SYT9: variants seen among roughly 807,000 people sequenced by gnomAD.
SYT9 encodes synaptotagmin-9.
Under a neutral mutation model 48.4 loss-of-function variants are expected in SYT9, and 22 were observed. The ratio of observed to expected loss-of-function variants is 0.45; its 90% confidence interval spans 0.32 to 0.65. The LOEUF (loss-of-function observed/expected upper bound fraction) is 0.65, where lower values mean the gene tolerates loss of function less well. SYT9 is among the 30% of genes least tolerant of loss of function. The probability of loss-of-function intolerance (pLI) is 0.03; values close to 1 mark genes in which losing one functional copy is unlikely to be tolerated. For synonymous variants in SYT9, 265 were observed against 245.0 expected (o/e 1.08, Z -0.76); for missense variants, 577 against 622.0 (o/e 0.93, Z 0.77).
At chr11:7,453,314 C>G (rs56236212) in intron 6 of SYT9, among the ~76,000 whole-genome samples, 3 of 152,008 alleles carry the variant, frequency 2.0e-5, no homozygotes, top group Non-Finnish European at 4.4e-5. Context: ...GAAGATACTC[C>G]AAAGTGTTTC....
At chr11:7,415,478 G>A (rs749309640) in intron 3 of SYT9, among the ~76,000 whole-genome samples, 15 of 152,190 alleles carry the variant, frequency 9.9e-5, no homozygotes, top group African/African-American at 1.9e-4. Flanking sequence ...GGATATGGTC[G>A]CAAGTTTGAG....
At chr11:7,259,763 A>G (rs1335748075) in intron 1 of SYT9, among the ~76,000 whole-genome samples, 1 of 151,990 alleles carries the variant, frequency 6.6e-6, no homozygotes, top group Admixed American at 6.6e-5. Context: ...ACCAATTTCC[A>G]TTAATTAGAA....
chr11:7,380,641 TA>T (rs1850544019), intron 3 of SYT9, among the ~76,000 whole-genome samples: 1 of 151,450 alleles, frequency 6.6e-6, no homozygotes, highest in Admixed American at 6.6e-5. Context: ...AAACAGAAAA[TA>T]AAAAAATAAA....
chr11:7,417,379 C>G (rs1847272279), intron 4 of SYT9, among the ~76,000 whole-genome samples: 1 of 152,178 alleles, frequency 6.6e-6, no homozygotes. Flanking sequence ...TACCCCATCA[C>G]AGTGTTGCAC....
At chr11:7,274,882 T>A (rs567048922) in intron 1 of SYT9, among the ~76,000 whole-genome samples, 2 of 152,168 alleles carry the variant, frequency 1.3e-5, no homozygotes, top group East Asian at 3.9e-4. Flanking sequence ...CTCTTCCTCA[T>A]GGCCACGTTC....
At chr11:7,290,100 G>T (rs1181698664) in intron 1 of SYT9, among the ~76,000 whole-genome samples, 2 of 152,138 alleles carry the variant, frequency 1.3e-5, no homozygotes, top group Non-Finnish European at 2.9e-5. Flanking sequence ...TTTTACATTG[G>T]AACAAAGTCT....
chr11:7,459,442 A>G (rs954581936), intron 6 of SYT9, among the ~76,000 whole-genome samples: 3 of 152,226 alleles, frequency 2.0e-5, no homozygotes, highest in Admixed American at 6.5e-5. Flanking sequence ...TTGAAGTAGT[A>G]AGAAAACCAA....
chr11:7,305,256 A>G (rs1314243668), intron 2 of SYT9, among the ~76,000 whole-genome samples: 1 of 152,202 alleles, frequency 6.6e-6, no homozygotes, highest in Non-Finnish European at 1.5e-5. Context: ...ATCTTTTCTG[A>G]TGGCAAAAAT....
At chr11:7,450,367 A>G (rs1848025311) in intron 6 of SYT9, 1 of 152,056 alleles carries the variant, frequency 6.6e-6, no homozygotes, top group Admixed American at 6.6e-5. Context: ...ACATGTTTCT[A>G]CTCACCCCCT....
intron 6 of SYT9, among the ~76,000 whole-genome samples, chr11:7,432,544 T>C: frequency 2.1e-5 from 1 of 47,420 alleles, no homozygotes. Context: ...TGAGACTCCA[T>C]CTCAAAAAAA....
chr11:7,460,620 T>C (rs11041398), intron 6 of SYT9, among the ~76,000 whole-genome samples: 49,892 of 152,024 alleles, frequency 0.33, 9,502 homozygotes, highest in African/African-American at 0.52. Context: ...TGTAGTATAA[T>C]AGATTTTCCT....
At chr11:7,308,178 A>G (rs561852937) in intron 2 of SYT9, among the ~76,000 whole-genome samples, 19 of 152,308 alleles carry the variant, frequency 1.2e-4, no homozygotes, top group African/African-American at 4.3e-4. Context: ...TGTCTCCACC[A>G]TTTCCATAAT....
intron 1 of SYT9, among the ~76,000 whole-genome samples, chr11:7,255,415 T>C (rs538806896): frequency 6.6e-6 from 1 of 152,266 alleles, no homozygotes; most frequent in South Asian, 2.1e-4. Flanking sequence ...CTGAATGAGA[T>C]AGGAAGCCAT....
chr11:7,450,245 G>C (rs1252590032), intron 6 of SYT9: 1 of 152,156 alleles, frequency 6.6e-6, no homozygotes, highest in Non-Finnish European at 1.5e-5. Flanking sequence ...TTTCTTCATG[G>C]TTATATGCCC....
At chr11:7,323,403 A>T (rs1849371903) in intron 3 of SYT9, among the ~76,000 whole-genome samples, 2 of 152,122 alleles carry the variant, frequency 1.3e-5, no homozygotes, top group Non-Finnish European at 2.9e-5. Context: ...TGCATGAATA[A>T]GGACAATTTT....
intron 6 of SYT9, among the ~76,000 whole-genome samples, chr11:7,452,361 C>T (rs1210528877): frequency 6.6e-6 from 1 of 152,204 alleles, no homozygotes; most frequent in East Asian, 1.9e-4. Context: ...CTCAGAAAAG[C>T]TGCTCTCTGA....
At chr11:7,409,790 CT>C (rs1292402818) in intron 3 of SYT9, among the ~76,000 whole-genome samples, 13 of 151,496 alleles carry the variant, frequency 8.6e-5, no homozygotes, top group Non-Finnish European at 1.9e-4. Flanking sequence ...TTTTGTTTAT[CT>C]TTTTTTTGAA....
At chr11:7,343,655 C>G (rs1254677769) in intron 3 of SYT9, among the ~76,000 whole-genome samples, 2 of 152,170 alleles carry the variant, frequency 1.3e-5, no homozygotes, top group South Asian at 4.1e-4. Flanking sequence ...AACCTCTGCC[C>G]GTTACCCAGT....
At chr11:7,288,262 G>A (rs566925911) in intron 1 of SYT9, among the ~76,000 whole-genome samples, 2 of 146,070 alleles carry the variant, frequency 1.4e-5, no homozygotes, top group Non-Finnish European at 3.0e-5. Flanking sequence ...TTGGTATTTG[G>A]TAAAACTATG....
Sources: allele counts gnomAD v4.1 joint callset (sites outside exome capture counted in the v4.1 genomes callset), GRCh38; gene constraint gnomAD v4.1.1; transcripts MANE v1.5; gene names NCBI Gene and HGNC (gene_info 2026-07-23, HGNC 2026-07-21).